The following ARHGAP28 variants were observed in gnomAD, a reference collection of about 807,000 sequenced individuals.
ARHGAP28 encodes rho GTPase-activating protein 28.
Under a neutral mutation model 90.7 loss-of-function variants are expected in ARHGAP28, and 56 were observed. The observed-to-expected ratio is 0.62, with a 90% CI of 0.50 to 0.77. The LOEUF is 0.77. ARHGAP28 is among the 30% of genes least tolerant of loss of function. The pLI, the probability that ARHGAP28 is intolerant of heterozygous loss-of-function variation, is 0.00. For missense variants in ARHGAP28, 869 were observed against 900.9 expected, an observed-to-expected ratio of 0.96 and a Z score of 0.45; for synonymous variants, 308 against 323.3, an observed-to-expected ratio of 0.95 and a Z score of 0.51.
chr18:6,731,818 T>C (rs1236527292), intron 1 of ARHGAP28, among the ~76,000 whole-genome samples: 1 of 152,228 alleles, frequency 6.6e-6, no homozygotes, highest in Non-Finnish European at 1.5e-5. Context: ...TTATTAACCT[T>C]TGACTCACTA....
At chr18:6,828,895 C>G (rs12962436) in intron 2 of ARHGAP28, among the ~76,000 whole-genome samples, 18 of 152,228 alleles carry the variant, frequency 1.2e-4, no homozygotes, top group African/African-American at 3.6e-4. Flanking sequence ...AAGTATACAC[C>G]TAAGAGTGTT....
intron 1 of ARHGAP28, among the ~76,000 whole-genome samples, chr18:6,794,271 T>C (rs2056426166): frequency 6.6e-6 from 1 of 152,254 alleles, no homozygotes; most frequent in South Asian, 2.1e-4. Flanking sequence ...ATTCTTTTTT[T>C]CTGTCATAAT....
Position 6,915,502 on chromosome 18 carries a change from A to G in ARHGAP28, c.*3348A>G, listed in dbSNP as rs1188076017. 2.0e-5 allele frequency: 2 copies of G among 99,614 alleles called. No homozygotes were observed. The highest frequency in any genetic ancestry group is 2.1e-4 in the Admixed American group (2 of 9,632). The allele number at this position is 99,614 out of a possible 1,614,324, so 6.2% of individuals were successfully genotyped here. A position where few individuals can be genotyped will look rare whatever the true frequency, so the allele number is the denominator to read the frequency against. On this transcript the variant is annotated 3_prime_UTR_variant, in exon 18 of 18. Coordinates refer to ENST00000383472, the MANE Select transcript of ARHGAP28 (RefSeq NM_001366230.1). ...ATTTTTAACAGTTTTACACACTTAC[A>G]TACACCTTAATTAAAAATTTTTTTC...
chr18:6,852,219 A>G (rs2056916287), intron 4 of ARHGAP28, among the ~76,000 whole-genome samples: 2 of 152,168 alleles, frequency 1.3e-5, no homozygotes, highest in Admixed American at 1.3e-4. Context: ...ACACCACTAA[A>G]CCCAAGCACT....
At chr18:6,770,874 A>T (rs2056237349) in intron 1 of ARHGAP28, among the ~76,000 whole-genome samples, 1 of 152,092 alleles carries the variant, frequency 6.6e-6, no homozygotes, top group Non-Finnish European at 1.5e-5. Context: ...AAAGTCAGTC[A>T]GTTTTGTTTT....
chr18:6,749,147 T>C (rs2056048427), intron 1 of ARHGAP28, among the ~76,000 whole-genome samples: 2 of 152,168 alleles, frequency 1.3e-5, no homozygotes, highest in Non-Finnish European at 2.9e-5. Context: ...GAGCTAAAAG[T>C]CAATCAGTGC....
intron 3 of ARHGAP28, among the ~76,000 whole-genome samples, chr18:6,848,668 T>C (rs1487909624): frequency 3.3e-5 from 5 of 152,186 alleles, no homozygotes; most frequent in Admixed American, 3.3e-4. Flanking sequence ...ATCTTGCGTT[T>C]GTCTCCCCTT....
Position 6,912,664 on chromosome 18 carries a change from A to G in ARHGAP28, c.*510A>G, listed in dbSNP as rs2057405286. The G allele has an allele frequency of 6.6e-6, 1 of 152,252 alleles. No homozygotes were observed. The highest frequency in any genetic ancestry group is 2.4e-5 in the African/African-American group (1 of 41,460). 9.4% of individuals were successfully genotyped at this position (152,252 alleles called of 1,614,324 possible). A position where few individuals can be genotyped will look rare whatever the true frequency, so the allele number is the denominator to read the frequency against. ...AATGAATCAGTTTCTAAAGTGAAACATGCAATATTTATGCTCTGACTGACT... is the reference window on the plus strand; with the variant it reads ...AATGAATCAGTTTCTAAAGTGAAACGTGCAATATTTATGCTCTGACTGACT... On this transcript the variant is annotated 3_prime_UTR_variant, in exon 18 of 18. Transcript: ENST00000383472.
chr18:6,757,887 G>A (rs2056124794), intron 1 of ARHGAP28, among the ~76,000 whole-genome samples: 1 of 152,118 alleles, frequency 6.6e-6, no homozygotes, highest in Non-Finnish European at 1.5e-5. Flanking sequence ...AGCTCACACA[G>A]CACTGCCCCA....
intron 1 of ARHGAP28, among the ~76,000 whole-genome samples, chr18:6,749,795 G>C (rs141962070): frequency 2.8e-4 from 42 of 152,204 alleles, no homozygotes; most frequent in Admixed American, 3.9e-4. Flanking sequence ...TTGAAAAGGA[G>C]TATTTTAATG....
chr18:6,744,179 G>A (rs1009065078), intron 1 of ARHGAP28, among the ~76,000 whole-genome samples: 1 of 152,208 alleles, frequency 6.6e-6, no homozygotes, highest in Admixed American at 6.5e-5. Context: ...GCATGAGTTA[G>A]TAGGGGGGAT....
At chr18:6,836,844 C>A (rs2143854607) in intron 2 of ARHGAP28, among the ~76,000 whole-genome samples, 1 of 152,156 alleles carries the variant, frequency 6.6e-6, no homozygotes, top group South Asian at 2.1e-4. Context: ...ATTGAAAAAC[C>A]AATTTGTATT....
chr18:6,878,604 C>A (rs1286093407), intron 10 of ARHGAP28, among the ~76,000 whole-genome samples: 1 of 152,182 alleles, frequency 6.6e-6, no homozygotes, highest in Non-Finnish European at 1.5e-5. Flanking sequence ...AAAGGCTAAT[C>A]GTTCCTTCAG....
chr18:6,874,773 T>A (rs536057850), intron 9 of ARHGAP28: 20 of 152,062 alleles, frequency 1.3e-4, no homozygotes, highest in African/African-American at 3.9e-4. Flanking sequence ...AGCAACACCT[T>A]TGTACACACG....
At chr18:6,869,253 C>CTTTTTTTTT (rs61280250) in intron 6 of ARHGAP28, among the ~76,000 whole-genome samples, 2 of 68,040 alleles carry the variant, frequency 2.9e-5, no homozygotes, top group African/African-American at 1.1e-4. Context: ...TTTTGCCATT[C>CTTTTTTTTT]TTTTTTTTTT....
At chr18:6,846,270 C>T (rs771260761) in intron 3 of ARHGAP28, among the ~76,000 whole-genome samples, 1 of 152,108 alleles carries the variant, frequency 6.6e-6, no homozygotes, top group Non-Finnish European at 1.5e-5. Flanking sequence ...CCTTTTCCCA[C>T]CCTTGATGTG....
intron 12 of ARHGAP28, among the ~76,000 whole-genome samples, chr18:6,888,422 T>C (rs2057238677): frequency 6.6e-6 from 1 of 152,194 alleles, no homozygotes; most frequent in African/African-American, 2.4e-5. Context: ...TAGTGCTGCC[T>C]CTTATCAGAC....
chr18:6,864,192 A>C (rs1396442125), intron 5 of ARHGAP28, among the ~76,000 whole-genome samples: 1 of 152,060 alleles, frequency 6.6e-6, no homozygotes, highest in African/African-American at 2.4e-5. Context: ...CTGCCTCCCC[A>C]GTAGCTGGGA....
chr18:6,734,892 G>A (rs1353837329), intron 1 of ARHGAP28, among the ~76,000 whole-genome samples: 2 of 152,168 alleles, frequency 1.3e-5, no homozygotes, highest in African/African-American at 2.4e-5. Context: ...CAGAGTTGGT[G>A]TCTCTGGTTT....
Sources: gnomAD v4.1 joint callset for allele counts (sites outside exome capture counted in the v4.1 genomes callset) on GRCh38, gnomAD v4.1.1 for gene constraint, MANE v1.5 for transcripts, NCBI Gene and HGNC (gene_info 2026-07-23, HGNC 2026-07-21) for gene names.